The following SLC35D1 variants were observed in gnomAD, a reference collection of about 807,000 sequenced individuals.
SLC35D1 encodes solute carrier family 35 member D1.
In SLC35D1, 31 loss-of-function variants were observed where a neutral mutation model predicts 46.7. The observed-to-expected ratio is 0.66, with a 90% confidence interval of 0.50 to 0.90. SLC35D1 has a LOEUF of 0.90. Ranked by LOEUF, SLC35D1 falls within the 40% of genes least tolerant of loss-of-function variation. SLC35D1 has a pLI of 0.00. For missense variants in SLC35D1, 397 were observed against 426.2 expected, an observed-to-expected ratio of 0.93 and a Z score of 0.60; for synonymous variants, 195 against 164.6, an observed-to-expected ratio of 1.18 and a Z score of -1.41.
the SLC35D1 span, among the ~76,000 whole-genome samples, chr1:66,982,135 A>G: frequency 7.2e-5 from 11 of 152,208 alleles, no homozygotes; most frequent in East Asian, 1.7e-3. Context: ...CCTACTGTCA[A>G]CAGTGACTAT....
At chr1:67,032,847 T>A (rs1668045090) in intron 8 of SLC35D1, among the ~76,000 whole-genome samples, 3 of 152,232 alleles carry the variant, frequency 2.0e-5, no homozygotes, top group Non-Finnish European at 4.4e-5. Context: ...TTATTCATTT[T>A]TTCTAACCAT....
chr1:67,033,041 C>T (rs1345589485), intron 8 of SLC35D1, among the ~76,000 whole-genome samples: 1 of 152,146 alleles, frequency 6.6e-6, no homozygotes, highest in African/African-American at 2.4e-5. Context: ...ATAATGACCT[C>T]CAGTTCCATC....
At chr1:67,053,738 G>A (rs1047435965) in intron 1 of SLC35D1, 73 bp downstream of exon 1, 1 of 1,339,598 alleles carries the variant, frequency 7.5e-7, no homozygotes, top group East Asian at 3.1e-5. Flanking sequence ...TCAAAGTCCA[G>A]GGAGCCGGCG....
the SLC35D1 span, chr1:66,984,498 C>T: frequency 1.9e-6 from 2 of 1,050,540 alleles, no homozygotes; most frequent in South Asian, 3.2e-5. Context: ...ACAATAACTA[C>T]AAGCTGTTTT....
the SLC35D1 span, among the ~76,000 whole-genome samples, chr1:66,989,540 G>A: frequency 6.6e-6 from 1 of 152,192 alleles, no homozygotes; most frequent in Non-Finnish European, 1.5e-5. Flanking sequence ...ATGGCTCACT[G>A]CAGCCTTGAC....
Position 67,024,147 on chromosome 1 carries a change from T to C in SLC35D1, c.730-2545A>G, listed in dbSNP as rs1330577324. On this transcript the variant is annotated intron_variant, in intron 8 of 11. Coordinates refer to ENST00000235345, the MANE Select transcript of SLC35D1 (RefSeq NM_015139.3). ...TTTTAGTAGAGATGGGGTTTCGCCA[T>C]GTTGGCCAGGCTGGTCCTGAACTCC... Among the ~76,000 whole-genome samples, 4 of 151,930 alleles carry C rather than the reference T, an allele frequency of 2.6e-5. No homozygotes were observed. In the East Asian group the frequency reaches 7.8e-4, roughly 30 times the overall value.
chr1:67,052,931 C>T (rs891600156), intron 2 of SLC35D1, 25 bp downstream of exon 2: 2 of 1,613,926 alleles, frequency 1.2e-6, no homozygotes, highest in African/African-American at 1.3e-5. Context: ...ACATAAACCA[C>T]GTAATGGTGA....
chr1:66,990,042 TTTA>T, the SLC35D1 span, among the ~76,000 whole-genome samples: 1 of 152,240 alleles, frequency 6.6e-6, no homozygotes, highest in African/African-American at 2.4e-5. Flanking sequence ...TGTATCCTTT[TTTA>T]TTATTTTTGA....
At chr1:67,017,258 A>G (rs1667704243) in intron 10 of SLC35D1, among the ~76,000 whole-genome samples, 1 of 152,188 alleles carries the variant, frequency 6.6e-6, no homozygotes, top group South Asian at 2.1e-4. Context: ...CTTTGGTAAA[A>G]ATGGGAGACT....
At chr1:67,011,743 C>T (rs755463574) in intron 10 of SLC35D1, among the ~76,000 whole-genome samples, 1 of 152,132 alleles carries the variant, frequency 6.6e-6, no homozygotes, top group South Asian at 2.1e-4. Flanking sequence ...CTCAGCCTCC[C>T]GAAGTGTTGG....
the SLC35D1 span, chr1:66,986,360 A>C: frequency 9.4e-6 from 15 of 1,594,428 alleles, no homozygotes; most frequent in African/African-American, 1.8e-4. Context: ...ACCTATATCC[A>C]AACTTTTATA....
the SLC35D1 span, among the ~76,000 whole-genome samples, chr1:66,991,407 G>C: frequency 2.2e-4 from 34 of 152,206 alleles, no homozygotes; most frequent in Non-Finnish European, 2.9e-5. Flanking sequence ...GTTCCACAGA[G>C]AGTCACAGTC....
the SLC35D1 span, chr1:66,987,774 T>C: frequency 1.3e-5 from 2 of 152,096 alleles, no homozygotes; most frequent in African/African-American, 4.8e-5. Flanking sequence ...TATATATATA[T>C]ACACAGTCTG....
intron 10 of SLC35D1, among the ~76,000 whole-genome samples, chr1:67,015,527 C>CT (rs1349587542): frequency 1.3e-5 from 2 of 151,800 alleles, no homozygotes; most frequent in Non-Finnish European, 2.9e-5. Flanking sequence ...GCAGCTGGAA[C>CT]TACAGGTGCA....
chr1:66,984,862 C>T, the SLC35D1 span: 5 of 1,597,700 alleles, frequency 3.1e-6, no homozygotes, highest in Non-Finnish European at 4.3e-6. Context: ...AGCAGTCTCA[C>T]ATGGGAAATT....
At chr1:67,015,843 C>G (rs955063007) in intron 10 of SLC35D1, among the ~76,000 whole-genome samples, 2 of 152,158 alleles carry the variant, frequency 1.3e-5, no homozygotes, top group Non-Finnish European at 2.9e-5. Flanking sequence ...TTATAAGTCT[C>G]TACCAAGAGT....
chr1:66,985,155 T>TG, the SLC35D1 span: 1 of 1,040,328 alleles, frequency 9.6e-7, no homozygotes, highest in Non-Finnish European at 1.2e-6. Context: ...CCTTCTCATT[T>TG]GAATATCTTT....
chr1:67,025,759 T>C (rs1667902321), intron 8 of SLC35D1, among the ~76,000 whole-genome samples: 1 of 152,204 alleles, frequency 6.6e-6, no homozygotes, highest in Non-Finnish European at 1.5e-5. Context: ...GTTTTCAGCA[T>C]ACAGGTAACA....
rs1396920946 is a variant in SLC35D1, at chr1:67,054,019, C to T, written c.-6G>A. Reference sequence around the variant, plus strand: ...CGTCTATGAACTTCCGCCATGGCTGCCGCAGCAGCGGTGGCCTGGCGGCGG... The same window carrying T: ...CGTCTATGAACTTCCGCCATGGCTGTCGCAGCAGCGGTGGCCTGGCGGCGG... On this transcript the variant is annotated 5_prime_UTR_variant, in exon 1 of 12. Transcript: ENST00000235345. The T allele has an allele frequency of 2.5e-6, 4 of 1,608,074 alleles. No homozygotes were observed. The highest frequency in any genetic ancestry group is 1.1e-5 in the South Asian group (1 of 90,332).
Sources: allele counts gnomAD v4.1 joint callset (sites outside exome capture counted in the v4.1 genomes callset), GRCh38; gene constraint gnomAD v4.1.1; transcripts MANE v1.5; gene names NCBI Gene and HGNC (gene_info 2026-07-23, HGNC 2026-07-21).